The following CCNJL variants were observed in gnomAD, a reference collection of about 807,000 sequenced individuals.
The protein encoded by CCNJL is cyclin-J-like protein.
In CCNJL, 33 loss-of-function variants were observed where a neutral mutation model predicts 33.4. The ratio of observed to expected loss-of-function variants is 0.99; its 90% CI spans 0.75 to 1.32. The LOEUF (loss-of-function observed/expected upper bound fraction) is 1.32, where lower values mean the gene tolerates loss of function less well. Among genes scored for constraint, CCNJL ranks in the 40% most tolerant of loss-of-function variants. CCNJL has a pLI of 0.00. For missense variants in CCNJL, 512 were observed against 499.7 expected, an observed-to-expected ratio of 1.02 and a Z score of -0.23; for synonymous variants, 227 against 220.9, an observed-to-expected ratio of 1.03 and a Z score of -0.24.
At chr5:160,289,307 C>A (rs1055354989) in intron 2 of CCNJL, among the ~76,000 whole-genome samples, 2 of 152,202 alleles carry the variant, frequency 1.3e-5, no homozygotes, top group Non-Finnish European at 2.9e-5. Context: ...TGGTCCCTGG[C>A]ACAGAGTAAG....
At chr5:160,279,536 T>G (rs1762135678) in intron 3 of CCNJL, among the ~76,000 whole-genome samples, 1 of 152,178 alleles carries the variant, frequency 6.6e-6, no homozygotes, top group Admixed American at 6.5e-5. Flanking sequence ...GGGTGGTGGT[T>G]GTTCATTCAA....
intron 2 of CCNJL, among the ~76,000 whole-genome samples, chr5:160,295,739 A>T (rs1309264848): frequency 6.6e-6 from 1 of 152,192 alleles, no homozygotes; most frequent in African/African-American, 2.4e-5. Context: ...AGCTGCTGCC[A>T]AATGATAGAA....
At chr5:160,313,940 G>A (rs1484019332), upstream of CCNJL, among the ~76,000 whole-genome samples, 1 of 152,250 alleles carries the variant, frequency 6.6e-6, no homozygotes, top group Non-Finnish European at 1.5e-5. Context: ...GCCAAGGGCA[G>A]GCAGATCACC....
At position 160,249,423 on chromosome 5, in the gene CCNJL, T is replaced by C. The variant is rs968061840; in HGVS notation, c.*3955A>G. On this transcript the variant is annotated 3_prime_UTR_variant, in exon 6 of 6. Transcript: ENST00000257536. ...CAAATACAGGTAATTTCTGTGTACT[T>C]TGAGATAATTCTGTTAAATTCATAT... is the stretch of plus-strand genomic sequence containing the variant. 1.3e-5 allele frequency: 2 copies of C among 152,178 alleles called. No homozygotes were observed. Among genetic ancestry groups the C allele is most frequent in the Admixed American group, 6.5e-5 (1 of 15,270 alleles). 9.4% of individuals were successfully genotyped at this position (152,178 alleles called of 1,614,324 possible). A position where few individuals can be genotyped will look rare whatever the true frequency, so the allele number is the denominator to read the frequency against.
chr5:160,326,897 CAA>C (rs747778542), intron 1 of CCNJL: 4 of 678,328 alleles, frequency 5.9e-6, no homozygotes, highest in Non-Finnish European at 1.1e-5. Context: ...CATTCTAAAA[CAA>C]AGTCATGAAT....
chr5:160,290,780 C>T (rs1181461355), intron 2 of CCNJL, among the ~76,000 whole-genome samples: 3 of 151,982 alleles, frequency 2.0e-5, no homozygotes, highest in Middle Eastern at 3.2e-3. Context: ...TTACAAAAAC[C>T]TCCATATTTC....
At position 160,280,730 on chromosome 5, in the gene CCNJL, C is replaced by A. The variant is rs1180822413; in HGVS notation, c.75G>T (p.Lys25Asn). ...GGGAGTGGGCTCGGAAGGTGGGCAG[C>A]TTCAGTTCCTGGAGGACAGGCGGGG... ...VHCTLREKEL[K>N]LPTFRAHSPL... Residue 25 changes from lysine (K) to asparagine (N), a missense_variant, in exon 3 of 6, where the codon AAG (lysine) becomes AAT (asparagine). By Grantham distance (94) the Lys-to-Asn change is moderately conservative. Coordinates refer to ENST00000257536, the MANE Select transcript of CCNJL (RefSeq NM_001308173.3). 3.1e-6 allele frequency: 5 copies of A among 1,602,052 alleles called. No individual in the cohort carries two copies. Among genetic ancestry groups the A allele is most frequent in the Admixed American group, 3.5e-5 (2 of 57,268 alleles).
At chr5:160,314,257 A>G (rs1763351521), upstream of CCNJL, among the ~76,000 whole-genome samples, 1 of 152,262 alleles carries the variant, frequency 6.6e-6, no homozygotes, top group Non-Finnish European at 1.5e-5. Context: ...AAAACAGTGT[A>G]GTGTTCACAC....
chr5:160,323,688 ATTAG>A (rs1763501213), intron 1 of CCNJL, among the ~76,000 whole-genome samples: 1 of 152,302 alleles, frequency 6.6e-6, no homozygotes, highest in East Asian at 1.9e-4. Flanking sequence ...TGCCCACATA[ATTAG>A]TTAAACGCTG....
At chr5:160,277,773 T>G (rs938259613) in intron 3 of CCNJL, among the ~76,000 whole-genome samples, 10 of 148,352 alleles carry the variant, frequency 6.7e-5, no homozygotes, top group African/African-American at 2.6e-4. Flanking sequence ...GAGATGGAGT[T>G]TTGCTCTTGT....
At chr5:160,338,306 G>A (rs1763707228) in intron 1 of CCNJL, among the ~76,000 whole-genome samples, 2 of 152,096 alleles carry the variant, frequency 1.3e-5, no homozygotes, top group South Asian at 2.1e-4. Context: ...AGGCTGAGGC[G>A]GGAGAATCTT....
At chr5:160,298,289 G>A (rs928798889) in intron 2 of CCNJL, among the ~76,000 whole-genome samples, 28 of 152,112 alleles carry the variant, frequency 1.8e-4, no homozygotes, top group African/African-American at 6.5e-4. Flanking sequence ...GAATCCAGGA[G>A]GTGGAGGTTG....
chr5:160,253,874 C>G, intron 5 of CCNJL, 76 bp from the exon 6 acceptor site: 1 of 1,185,376 alleles, frequency 8.4e-7, no homozygotes, highest in Non-Finnish European at 1.2e-6. Context: ...ACCTGTCTTG[C>G]TAAGTGGGAC....
intron 3 of CCNJL, among the ~76,000 whole-genome samples, chr5:160,264,634 C>T (rs796730615): frequency 1.4e-4 from 21 of 152,154 alleles, no homozygotes; most frequent in African/African-American, 5.1e-4. Context: ...TATATGGACA[C>T]TCACAATGAC....
In CCNJL at chr5:160,324,454, T is replaced by G. The variant is rs1450336359; in HGVS notation, n.207-8949A>C. Among the ~76,000 whole-genome samples the G allele has an allele frequency of 2.6e-5, 4 of 152,228 alleles. No individual in the cohort carries two copies. In the East Asian group the frequency reaches 5.8e-4, roughly 22 times the overall value. On this transcript the variant is annotated intron_variant and non_coding_transcript_variant, in intron 1 of 7. Transcript: ENST00000377503. Reference sequence around the variant, plus strand: ...CAGGCGTGGTGGCGGGCACCTGTAATCCCAGCTACTCATGAGGCTGAGGCA... The same window carrying G: ...CAGGCGTGGTGGCGGGCACCTGTAAGCCCAGCTACTCATGAGGCTGAGGCA...
rs190517809 is a variant in CCNJL, at chr5:160,295,526, T to C, written c.67-14788A>G. Among the ~76,000 whole-genome samples, 989 of 152,152 alleles carry C rather than the reference T, an allele frequency of 6.5e-3. 12 individuals carry two copies. Among genetic ancestry groups the C allele is most frequent in the African/African-American group, 0.023 (955 of 41,512 alleles). On this transcript the variant is annotated intron_variant, in intron 2 of 5. Transcript: ENST00000257536. ...AATAAGAAAATAGAGTCTTTACAGA[T>C]GCAATCAAGTTAAAATGAGGTCATA...
At chr5:160,284,263 G>C in intron 2 of CCNJL, among the ~76,000 whole-genome samples, 1 of 152,182 alleles carries the variant, frequency 6.6e-6, no homozygotes, top group South Asian at 2.1e-4. Flanking sequence ...GAGGTGCAAG[G>C]ATCACTTGAG....
intron 2 of CCNJL, among the ~76,000 whole-genome samples, chr5:160,282,890 T>C (rs542470628): frequency 1.4e-5 from 2 of 147,754 alleles, no homozygotes; most frequent in South Asian, 4.3e-4. Context: ...GTGCAGCCAC[T>C]GTGGGAAACA....
At position 160,334,145 on chromosome 5, in the gene CCNJL, C is replaced by T. The variant is rs139083494; in HGVS notation, n.206+5300G>A. On this transcript the variant is annotated intron_variant and non_coding_transcript_variant, in intron 1 of 7. Transcript: ENST00000377503. ...CCCTCAGGCACCCCAACTTCAGCAA[C>T]CACCCTACTCCATTGGGTCCTCCAT... Among the ~76,000 whole-genome samples the T allele has an allele frequency of 4.5e-4, 68 of 152,316 alleles. 2 individuals are homozygous for T. In the East Asian group the frequency reaches 0.012, roughly 26 times the overall value.
Sources: allele counts gnomAD v4.1 joint callset (sites outside exome capture counted in the v4.1 genomes callset), GRCh38; gene constraint gnomAD v4.1.1; transcripts MANE v1.5; gene names NCBI Gene and HGNC (gene_info 2026-07-23, HGNC 2026-07-21).